ZNF385D: variants seen among roughly 807,000 people sequenced by gnomAD.
ZNF385D encodes the protein zinc finger protein 659.
ZNF385D carries 15 observed loss-of-function variants against 35.8 expected under a neutral mutation model. The observed-to-expected ratio is 0.42, with a 90% CI of 0.28 to 0.64. ZNF385D has a LOEUF of 0.64. Ranked by LOEUF, ZNF385D falls within the 30% of genes least tolerant of loss-of-function variation. The pLI is 0.23. For synonymous variants in ZNF385D, 212 were observed against 186.8 expected, an observed-to-expected ratio of 1.13 and a Z score of -1.10; for missense variants, 474 against 494.6, an observed-to-expected ratio of 0.96 and a Z score of 0.39.
At chr3:21,616,657 T>C (rs1248284758) in intron 2 of ZNF385D, among the ~76,000 whole-genome samples, 1 of 152,218 alleles carries the variant, frequency 6.6e-6, no homozygotes, top group East Asian at 1.9e-4. Flanking sequence ...GCTTATTTCA[T>C]ATTGCTTATT....
At chr3:21,803,772 C>T (rs972594942) in intron 3 of ZNF385D, among the ~76,000 whole-genome samples, 3 of 152,134 alleles carry the variant, frequency 2.0e-5, no homozygotes, top group African/African-American at 7.2e-5. Flanking sequence ...TGAATATCTC[C>T]ATATGAGATA....
intron 3 of ZNF385D, among the ~76,000 whole-genome samples, chr3:21,562,747 T>C (rs1459504225): frequency 1.3e-5 from 2 of 151,670 alleles, no homozygotes; most frequent in African/African-American, 4.8e-5. Flanking sequence ...ATTATAAAAC[T>C]ATATAATTGT....
At chr3:21,932,115 C>T (rs1330655868) in intron 3 of ZNF385D, among the ~76,000 whole-genome samples, 1 of 129,916 alleles carries the variant, frequency 7.7e-6, no homozygotes. Context: ...TGCAGTGAGC[C>T]GAGATAGCGC....
chr3:21,946,573 T>C (rs1701796378), intron 3 of ZNF385D, among the ~76,000 whole-genome samples: 1 of 152,206 alleles, frequency 6.6e-6, no homozygotes, highest in African/African-American at 2.4e-5. Context: ...GGCTCACACC[T>C]GTAATCCCAG....
chr3:22,072,061 T>C (rs955629367), intron 3 of ZNF385D, among the ~76,000 whole-genome samples: 3 of 152,122 alleles, frequency 2.0e-5, no homozygotes, highest in African/African-American at 7.2e-5. Context: ...TGTATGTTTA[T>C]TGTAGCATTA....
At chr3:21,777,492 G>C (rs796114426) in intron 3 of ZNF385D, 16 of 152,006 alleles carry the variant, frequency 1.1e-4, no homozygotes, top group African/African-American at 3.9e-4. Context: ...CCTATTCTCT[G>C]ACGGTGCATT....
chr3:21,908,152 A>ATCTG (rs1465904033), intron 3 of ZNF385D, among the ~76,000 whole-genome samples: 6 of 150,214 alleles, frequency 4.0e-5, no homozygotes, highest in Non-Finnish European at 7.4e-5. Flanking sequence ...CTATCTATCT[A>ATCTG]TCTATCTATC....
intron 3 of ZNF385D, among the ~76,000 whole-genome samples, chr3:22,056,506 C>T (rs1013551004): frequency 6.6e-6 from 1 of 151,982 alleles, no homozygotes; most frequent in Non-Finnish European, 1.5e-5. Flanking sequence ...ATCCATGACC[C>T]GTTATAGGGT....
chr3:21,754,956 T>C (rs920520571), upstream of ZNF385D, among the ~76,000 whole-genome samples: 1 of 152,198 alleles, frequency 6.6e-6, no homozygotes, highest in Non-Finnish European at 1.5e-5. Flanking sequence ...TTGAGGTTGG[T>C]TGTGTTTTGT....
chr3:21,562,972 T>C (rs1271316475), intron 3 of ZNF385D, among the ~76,000 whole-genome samples: 1 of 152,120 alleles, frequency 6.6e-6, no homozygotes, highest in Non-Finnish European at 1.5e-5. Flanking sequence ...ACATAAAATA[T>C]TATATGTTTG....
intron 3 of ZNF385D, among the ~76,000 whole-genome samples, chr3:21,975,004 T>C (rs1342384831): frequency 6.6e-6 from 1 of 152,164 alleles, no homozygotes; most frequent in East Asian, 1.9e-4. Context: ...AAAGAACAGT[T>C]TGGCAGTTCC....
chr3:21,945,707 T>G (rs551349149), intron 3 of ZNF385D, among the ~76,000 whole-genome samples: 6 of 152,324 alleles, frequency 3.9e-5, no homozygotes, highest in African/African-American at 1.4e-4. Flanking sequence ...GTAAGTTTCT[T>G]AATCCTACCC....
At chr3:21,516,166 C>T (rs1224256523) in intron 3 of ZNF385D, among the ~76,000 whole-genome samples, 1 of 152,160 alleles carries the variant, frequency 6.6e-6, no homozygotes, top group Admixed American at 6.5e-5. Flanking sequence ...AAACACCAAC[C>T]TCAGAGTCTT....
chr3:22,003,410 T>C (rs1044525686), intron 3 of ZNF385D, among the ~76,000 whole-genome samples: 2 of 152,052 alleles, frequency 1.3e-5, no homozygotes, highest in Non-Finnish European at 2.9e-5. Flanking sequence ...AAAACACTCA[T>C]GAAAGAAATT....
chr3:22,307,392 T>C (rs889796332), intron 2 of ZNF385D, among the ~76,000 whole-genome samples: 7 of 152,248 alleles, frequency 4.6e-5, no homozygotes, highest in Non-Finnish European at 7.4e-5. Flanking sequence ...AAGAGAGCCA[T>C]TGGACTAGAG....
chr3:21,774,418 C>T (rs1233830861), intron 3 of ZNF385D, among the ~76,000 whole-genome samples: 1 of 151,722 alleles, frequency 6.6e-6, no homozygotes, highest in African/African-American at 2.4e-5. Context: ...ACACATGTAC[C>T]CCCAAATTTA....
intron 2 of ZNF385D, among the ~76,000 whole-genome samples, chr3:22,287,545 G>A (rs553974741): frequency 1.6e-4 from 24 of 151,522 alleles, no homozygotes; most frequent in African/African-American, 5.8e-4. Flanking sequence ...TTGCTTTTTG[G>A]TTATGCTGAG....
intron 3 of ZNF385D, among the ~76,000 whole-genome samples, chr3:22,007,724 T>A (rs1696301842): frequency 6.6e-6 from 1 of 152,146 alleles, no homozygotes; most frequent in Non-Finnish European, 1.5e-5. Flanking sequence ...TTTACATTTT[T>A]AAAAATTATG....
At chr3:22,098,195 A>T (rs1023893874) in intron 3 of ZNF385D, among the ~76,000 whole-genome samples, 5 of 152,094 alleles carry the variant, frequency 3.3e-5, no homozygotes, top group Admixed American at 6.6e-5. Flanking sequence ...CCAATAAAAT[A>T]TCACGTGATT....
Sources: gnomAD v4.1 joint callset for allele counts (sites outside exome capture counted in the v4.1 genomes callset) on GRCh38, gnomAD v4.1.1 for gene constraint, MANE v1.5 for transcripts, NCBI Gene and HGNC (gene_info 2026-07-23, HGNC 2026-07-21) for gene names.